SAMD5: variants seen among roughly 807,000 people sequenced by gnomAD.
SAMD5 encodes the protein sterile alpha motif domain containing 5, also known as sterile alpha motif domain-containing protein 5.
A neutral mutation model predicts 11.3 loss-of-function variants in SAMD5; 13 were observed. The observed-to-expected ratio is 1.15, with a 90% CI of 0.75 to 1.83. The LOEUF (loss-of-function observed/expected upper bound fraction) is 1.83. Ranked by LOEUF, SAMD5 falls within the 40% of genes most tolerant of loss-of-function variation. The pLI is 0.00. For missense variants in SAMD5, 255 were observed against 239.1 expected (o/e 1.07, Z -0.44); for synonymous variants, 129 against 111.3 (o/e 1.16, Z -1.00).
At chr6:147,730,074 CAAAAAAAAAAAA>C (rs34624038) in intron 1 of SAMD5, 1 of 305,112 alleles carries the variant, frequency 3.3e-6, no homozygotes, top group Non-Finnish European at 6.0e-6. Context: ...GACTCTGTCT[CAAAAAAAAAAAA>C]AAAAAAGAAA....
At position 147,588,206 on chromosome 6, in the gene SAMD5, G is replaced by A. The variant is rs374822894; in HGVS notation, c.162+78819G>A. Reference sequence around the variant, plus strand: ...TATTATAAGCTAATTAACAAATCTCGGTGGGAACTTGAAACATAGATGCAT... The same window carrying A: ...TATTATAAGCTAATTAACAAATCTCAGTGGGAACTTGAAACATAGATGCAT... On this transcript the variant is annotated intron_variant, in intron 1 of 1. Transcript: ENST00000566741. 4.0e-4 allele frequency among the ~76,000 whole-genome samples: 61 copies of A among 151,482 alleles called. 1 individual carries two copies. The highest frequency in any genetic ancestry group is 1.3e-3 in the African/African-American group (55 of 41,300).
the SAMD5 span, among the ~76,000 whole-genome samples, chr6:147,806,543 C>T: frequency 2.0e-5 from 3 of 152,200 alleles, no homozygotes; most frequent in Non-Finnish European, 4.4e-5. Flanking sequence ...ATGCTCTGAC[C>T]TCTAGCACAT....
At chr6:147,939,509 G>C in the SAMD5 span, among the ~76,000 whole-genome samples, 4 of 152,160 alleles carry the variant, frequency 2.6e-5, no homozygotes, top group Non-Finnish European at 5.9e-5. Flanking sequence ...TATCACCCAA[G>C]AAATTCCAAG....
chr6:147,865,358 G>C, the SAMD5 span, among the ~76,000 whole-genome samples: 2 of 136,416 alleles, frequency 1.5e-5, no homozygotes. Flanking sequence ...GTGTGTGTGT[G>C]TCATAGAAAG....
intron 1 of SAMD5, among the ~76,000 whole-genome samples, chr6:147,688,819 G>GT (rs1357266421): frequency 1.3e-5 from 2 of 152,144 alleles, no homozygotes; most frequent in Non-Finnish European, 2.9e-5. Context: ...GGTGTTCCAG[G>GT]TGGGACACTT....
intron 1 of SAMD5, among the ~76,000 whole-genome samples, chr6:147,551,138 A>G (rs77388626): frequency 0.016 from 2,392 of 152,324 alleles, 29 homozygotes; most frequent in Middle Eastern, 0.031. Flanking sequence ...CCTGGGGCAC[A>G]GTTCAGTTGT....
chr6:147,714,270 G>A (rs1410364897), intron 1 of SAMD5, among the ~76,000 whole-genome samples: 1 of 152,166 alleles, frequency 6.6e-6, no homozygotes, highest in East Asian at 1.9e-4. Flanking sequence ...GGCAACACTG[G>A]GCTTCCAAAT....
At chr6:147,742,644 A>C in the SAMD5 span, among the ~76,000 whole-genome samples, 1 of 152,166 alleles carries the variant, frequency 6.6e-6, no homozygotes, top group Non-Finnish European at 1.5e-5. Flanking sequence ...CCATGGGCTG[A>C]AGGGGGCAGT....
At chr6:147,532,168 A>C (rs1788440018) in intron 1 of SAMD5, among the ~76,000 whole-genome samples, 1 of 152,162 alleles carries the variant, frequency 6.6e-6, no homozygotes, top group Non-Finnish European at 1.5e-5. Flanking sequence ...TGGAGGTACT[A>C]GTGTTTTTTG....
At chr6:147,833,841 T>C in the SAMD5 span, among the ~76,000 whole-genome samples, 2 of 152,354 alleles carry the variant, frequency 1.3e-5, no homozygotes, top group African/African-American at 2.4e-5. Flanking sequence ...TAGTCCTTTA[T>C]TGATGCTTCG....
At chr6:147,694,943 A>C (rs952864902) in intron 1 of SAMD5, among the ~76,000 whole-genome samples, 1 of 152,220 alleles carries the variant, frequency 6.6e-6, no homozygotes, top group East Asian at 1.9e-4. Flanking sequence ...TATATTTGAT[A>C]ATCTGGAAAC....
At position 147,564,806 on chromosome 6, in the gene SAMD5, T is replaced by G. The variant is rs1172904221; in HGVS notation, c.*350T>G. The G allele has an allele frequency of 2.0e-6, 2 of 993,984 alleles. No individual in the cohort carries two copies. Among genetic ancestry groups the G allele is most frequent in the East Asian group, 2.1e-4 (2 of 9,398 alleles). The allele number at this position is 993,984 out of a possible 1,614,324, so 61.6% of individuals were successfully genotyped here. ...AAGGCATTTGAGTCATAACTTAGTT[T>G]AAGTACAATATAACAAAAAGGTAGA... On this transcript the variant is annotated 3_prime_UTR_variant, in exon 2 of 2. Coordinates refer to ENST00000367474, the MANE Select transcript of SAMD5 (RefSeq NM_001030060.3).
In SAMD5 at chr6:147,546,393, G is replaced by C. The variant is rs564608917; in HGVS notation, c.460-18001G>C. 1.8e-4 allele frequency among the ~76,000 whole-genome samples: 27 copies of C among 152,252 alleles called. 2 individuals are homozygous for C. In the East Asian group the frequency reaches 2.3e-3, roughly 13 times the overall value. On this transcript the variant is annotated intron_variant, in intron 1 of 1. Transcript: ENST00000367474. The stretch of plus-strand genomic sequence containing the variant: ...AAAAATACAAAAATTTACCTGGTGT[G>C]GTGGCGCATGCCTGTAATCTCAGCT...
intron 1 of SAMD5, chr6:147,733,598 C>G (rs910962122): frequency 6.5e-6 from 1 of 154,622 alleles, no homozygotes; most frequent in South Asian, 2.1e-4. Flanking sequence ...AAGGGGTAAT[C>G]CATTTAGCCA....
At chr6:147,741,700 T>G (rs545758377), downstream of SAMD5, 1 of 152,278 alleles carries the variant, frequency 6.6e-6, no homozygotes, top group South Asian at 2.1e-4. Context: ...GGAAAGTGGT[T>G]GAGTAAGAAC....
the SAMD5 span, among the ~76,000 whole-genome samples, chr6:147,926,197 G>A: frequency 5.9e-5 from 9 of 152,134 alleles, no homozygotes; most frequent in African/African-American, 2.2e-4. Context: ...CTCTGACTTT[G>A]TACCCAGTAT....
chr6:147,540,932 CGT>C (rs1788591427), intron 1 of SAMD5, among the ~76,000 whole-genome samples: 7 of 106,304 alleles, frequency 6.6e-5, no homozygotes, highest in South Asian at 3.6e-4. Flanking sequence ...TCAAGCCACG[CGT>C]TTTTTTTTTT....
chr6:147,540,781 G>C (rs1240239998), intron 1 of SAMD5, among the ~76,000 whole-genome samples: 3 of 151,944 alleles, frequency 2.0e-5, no homozygotes, highest in Non-Finnish European at 2.9e-5. Flanking sequence ...GAGAGAGGGG[G>C]GGGGTCCAGA....
At chr6:147,564,077 T>A (rs896736440) in intron 1 of SAMD5, among the ~76,000 whole-genome samples, 54 of 151,332 alleles carry the variant, frequency 3.6e-4, no homozygotes, top group Non-Finnish European at 5.9e-4. Context: ...GAATGCAAAC[T>A]ATTACAAGGT....
Sources: allele counts gnomAD v4.1 joint callset (sites outside exome capture counted in the v4.1 genomes callset), GRCh38; gene constraint gnomAD v4.1.1; transcripts MANE v1.5; gene names NCBI Gene and HGNC (gene_info 2026-07-23, HGNC 2026-07-21).